ROR2: variants seen among roughly 807,000 people sequenced by gnomAD.
ROR2 encodes the protein tyrosine-protein kinase transmembrane receptor ROR2.
In ROR2, 33 loss-of-function variants were observed where a neutral mutation model predicts 74.9. The observed-to-expected ratio is 0.44, with a 90% CI of 0.33 to 0.59. The LOEUF is 0.59. Ranked by LOEUF, ROR2 falls within the 20% of genes least tolerant of loss-of-function variation. The pLI, the probability that ROR2 is intolerant of heterozygous loss-of-function variation, is 0.02. For synonymous variants in ROR2, 586 were observed against 558.7 expected, an observed-to-expected ratio of 1.05 and a Z score of -0.69; for missense variants, 1,216 against 1,313.8, an observed-to-expected ratio of 0.93 and a Z score of 1.15.
At chr9:91,869,301 C>T (rs1829726336) in intron 1 of ROR2, among the ~76,000 whole-genome samples, 1 of 152,110 alleles carries the variant, frequency 6.6e-6, no homozygotes, top group Admixed American at 6.5e-5. Flanking sequence ...AAGCAATCCT[C>T]CCACCTCAGC....
chr9:91,817,170 C>T (rs553672097), intron 1 of ROR2, among the ~76,000 whole-genome samples: 6 of 152,256 alleles, frequency 3.9e-5, no homozygotes, highest in South Asian at 2.1e-4. Context: ...GCTGGTGAGG[C>T]GGTTGGCTTG....
At chr9:91,947,254 A>G (rs1364422569) in intron 1 of ROR2, among the ~76,000 whole-genome samples, 3 of 152,190 alleles carry the variant, frequency 2.0e-5, no homozygotes, top group Non-Finnish European at 4.4e-5. Flanking sequence ...TTACTAATTA[A>G]AAGTTCAGCT....
At chr9:91,912,147 G>A (rs568405606) in intron 1 of ROR2, among the ~76,000 whole-genome samples, 1 of 131,800 alleles carries the variant, frequency 7.6e-6, no homozygotes, top group South Asian at 2.4e-4. Context: ...CTGCTAATTA[G>A]AGATTCAAAC....
rs1332227141 is a variant in ROR2 at position 91,895,931 on chromosome 9, C to T, written c.97+53936G>A. Among the ~76,000 whole-genome samples the T allele has an allele frequency of 2.6e-5, 4 of 152,294 alleles. No individual in the cohort carries two copies. The East Asian group carries it at 7.7e-4, about 29-fold the overall frequency. ...TCAGGCATTTGGTGATACAGGGAAG[C>T]CAAGGTCCCTCCATGTCACCCGCGT... On this transcript the variant is annotated intron_variant, in intron 1 of 8. Transcript: ENST00000375708.
chr9:91,790,245 T>C (rs767035522), intron 1 of ROR2, among the ~76,000 whole-genome samples: 1 of 151,882 alleles, frequency 6.6e-6, no homozygotes, highest in Non-Finnish European at 1.5e-5. Context: ...CTCATGTCTG[T>C]AATCCCAGCA....
intron 1 of ROR2, among the ~76,000 whole-genome samples, chr9:91,795,187 T>A (rs1002426442): frequency 2.6e-5 from 4 of 152,192 alleles, no homozygotes; most frequent in African/African-American, 9.7e-5. Context: ...TGTAGCTGCA[T>A]TTAGATTTCT....
chr9:91,822,382 G>A (rs531357988), intron 1 of ROR2, among the ~76,000 whole-genome samples: 13 of 152,284 alleles, frequency 8.5e-5, no homozygotes, highest in Non-Finnish European at 1.3e-4. Context: ...ACCTCACTGT[G>A]CCAGATTGGA....
chr9:91,898,953 C>A (rs571563846), intron 1 of ROR2, among the ~76,000 whole-genome samples: 12 of 152,308 alleles, frequency 7.9e-5, no homozygotes, highest in Admixed American at 1.3e-4. Context: ...GTGGCCTGAG[C>A]ATCTTCTTGG....
intron 1 of ROR2, among the ~76,000 whole-genome samples, chr9:91,942,421 AT>A (rs1414792343): frequency 6.6e-6 from 1 of 152,102 alleles, no homozygotes; most frequent in Non-Finnish European, 1.5e-5. Context: ...CCTGCTCCTC[AT>A]CAAACATGTC....
chr9:91,783,916 C>A (rs1022210318), intron 1 of ROR2, among the ~76,000 whole-genome samples: 4 of 152,308 alleles, frequency 2.6e-5, no homozygotes, highest in South Asian at 4.1e-4. Flanking sequence ...CCTCCCCAGT[C>A]CTCTGAATGG....
At chr9:91,770,060 C>T (rs771932748) in intron 2 of ROR2, among the ~76,000 whole-genome samples, 5 of 152,236 alleles carry the variant, frequency 3.3e-5, no homozygotes, top group African/African-American at 4.8e-5. Flanking sequence ...GTACTCTTCA[C>T]GTTATTTTCT....
chr9:91,726,440 C>T, intron 8 of ROR2, 101 bp downstream of exon 8: 7 of 1,101,104 alleles, frequency 6.4e-6, no homozygotes, highest in Middle Eastern at 2.9e-4. Context: ...TAATTATGTG[C>T]TATGTATCAA....
rs537757022 is a variant in ROR2, at chr9:91,904,054, G to C, written c.97+45813C>G. ...TGTTTTTGTTTTTGTTTTTTTTTGG[G>C]GGGGGGGACAGAGTCTCGCTCTGCC... On this transcript the variant is annotated intron_variant, in intron 1 of 8. Coordinates refer to ENST00000375708, the MANE Select transcript of ROR2 (RefSeq NM_004560.4). 2.7e-4 allele frequency among the ~76,000 whole-genome samples: 40 copies of C among 149,674 alleles called. 1 individual carries two copies. Among genetic ancestry groups the C allele is most frequent in the East Asian group, 1.7e-3 (9 of 5,146 alleles).
chr9:91,937,607 C>CCGA (rs1249384613), intron 1 of ROR2, among the ~76,000 whole-genome samples: 2 of 151,718 alleles, frequency 1.3e-5, no homozygotes, highest in Non-Finnish European at 2.9e-5. Context: ...CTGCAGCAGC[C>CCGA]CGACTCACTT....
In ROR2 at chr9:91,725,106, G is replaced by A; in HGVS notation, c.1388C>T (p.Ala463Val). The A allele has an allele frequency of 6.2e-7, 1 of 1,613,520 alleles. No individual in the cohort carries two copies. Among genetic ancestry groups the A allele is most frequent in the Non-Finnish European group, 8.5e-7 (1 of 1,180,024 alleles). The change falls in exon 9 of 9, where the codon GCC (alanine) becomes GTC (valine). Residue 463 changes from alanine (A) to valine (V), a missense_variant and splice_region_variant. By Grantham distance (64) the Ala-to-Val change is moderately conservative. Transcript: ENST00000375708. ...AGACAGGCTGATCTCTTTGAGTTTG[G>A]CCTGTCAAGAAGAAAAGCCCCACGT... ...EMPLINQHKQ[A>V]KLKEISLSAV...
chr9:91,825,589 G>A (rs573779172), intron 1 of ROR2, among the ~76,000 whole-genome samples: 7 of 152,256 alleles, frequency 4.6e-5, no homozygotes, highest in African/African-American at 1.4e-4. Context: ...ACATCCCAAC[G>A]CCAGTATTCG....
At chr9:91,860,598 A>C (rs1044252191) in intron 1 of ROR2, among the ~76,000 whole-genome samples, 1 of 152,230 alleles carries the variant, frequency 6.6e-6, no homozygotes, top group Admixed American at 6.5e-5. Flanking sequence ...GGCACAGCTC[A>C]ATTCAAGGCC....
chr9:91,821,685 C>T (rs1220853186), intron 1 of ROR2, among the ~76,000 whole-genome samples: 1 of 152,222 alleles, frequency 6.6e-6, no homozygotes, highest in Non-Finnish European at 1.5e-5. Flanking sequence ...TTCTGCTATC[C>T]TCAAACATCA....
chr9:91,907,081 T>A (rs540749279), intron 1 of ROR2, among the ~76,000 whole-genome samples: 9 of 152,136 alleles, frequency 5.9e-5, no homozygotes, highest in Non-Finnish European at 1.2e-4. Context: ...TCTTTTTTTT[T>A]AATTGAGGGA....
Sources: gnomAD v4.1 joint callset for allele counts (sites outside exome capture counted in the v4.1 genomes callset) on GRCh38, gnomAD v4.1.1 for gene constraint, MANE v1.5 for transcripts, NCBI Gene and HGNC (gene_info 2026-07-23, HGNC 2026-07-21) for gene names.